Variants in WWOX observed in about 807,000 individuals in gnomAD.
WWOX encodes WW domain-containing oxidoreductase.
In WWOX, 69 loss-of-function variants were observed where a neutral mutation model predicts 46.2. The ratio of observed to expected loss-of-function variants is 1.49; its 90% CI spans 1.23 to 1.82. The LOEUF (loss-of-function observed/expected upper bound fraction) is 1.82. WWOX is among the 40% of genes most tolerant of loss of function. The pLI, the probability that WWOX is intolerant of heterozygous loss-of-function variation, is 0.00. For missense variants in WWOX, 919 were observed against 542.6 expected, an observed-to-expected ratio of 1.69 and a Z score of -6.89; for synonymous variants, 359 against 202.6, an observed-to-expected ratio of 1.77 and a Z score of -6.56.
chr16:78,194,410 G>A (rs112500498), intron 5 of WWOX, among the ~76,000 whole-genome samples: 3,264 of 151,284 alleles, frequency 0.022, 121 homozygotes, highest in African/African-American at 0.076. Flanking sequence ...CAACATGGTG[G>A]AACCATGTTT....
At chr16:78,743,366 C>T (rs1474463440) in intron 8 of WWOX, among the ~76,000 whole-genome samples, 1 of 152,152 alleles carries the variant, frequency 6.6e-6, no homozygotes, top group African/African-American at 2.4e-5. Context: ...GATTCTCAAA[C>T]AGAATCTTCC....
intron 8 of WWOX, among the ~76,000 whole-genome samples, chr16:78,467,216 T>G (rs1040509794): frequency 3.3e-5 from 5 of 152,230 alleles, no homozygotes; most frequent in Non-Finnish European, 7.3e-5. Context: ...TTTAAAAATT[T>G]TCCCCTTTCT....
intron 8 of WWOX, among the ~76,000 whole-genome samples, chr16:78,486,307 C>T (rs1044595616): frequency 6.6e-6 from 1 of 152,166 alleles, no homozygotes; most frequent in African/African-American, 2.4e-5. Flanking sequence ...ACTATGCCGA[C>T]TAATAGACAT....
At chr16:79,171,626 C>T (rs1171041136) in intron 8 of WWOX, among the ~76,000 whole-genome samples, 1 of 152,174 alleles carries the variant, frequency 6.6e-6, no homozygotes, top group Admixed American at 6.5e-5. Context: ...AGTGTTGAGT[C>T]CAGCCACCCA....
chr16:78,683,471 T>C (rs1308522740), intron 8 of WWOX, among the ~76,000 whole-genome samples: 2 of 151,040 alleles, frequency 1.3e-5, no homozygotes, highest in African/African-American at 4.9e-5. Context: ...ACCGGGGAGG[T>C]GGAGGTTGCA....
rs536501839 is a variant in WWOX at position 78,974,583 on chromosome 16, T to C, written c.1057-237025T>C. On this transcript the variant is annotated intron_variant, in intron 8 of 8. Transcript: ENST00000566780. ...ATATTGTGCAATGTGCAGGGAATTA[T>C]TTCAGTTTTGTTTTTTATTTAGCAC... is the stretch of plus-strand genomic sequence containing the variant. Among the ~76,000 whole-genome samples the C allele has an allele frequency of 7.2e-5, 11 of 152,340 alleles. No individual in the cohort carries two copies. In the East Asian group the frequency reaches 2.1e-3, roughly 29 times the overall value.
At chr16:79,127,561 C>T (rs1462038876) in intron 8 of WWOX, among the ~76,000 whole-genome samples, 3 of 152,172 alleles carry the variant, frequency 2.0e-5, no homozygotes, top group Admixed American at 6.5e-5. Flanking sequence ...GCAAATTGTG[C>T]CGCAACGTGT....
Position 78,777,589 on chromosome 16 carries a change from C to T in WWOX, c.1056+344837C>T, listed in dbSNP as rs775416684. On this transcript the variant is annotated intron_variant, in intron 8 of 8. Coordinates refer to ENST00000566780, the MANE Select transcript of WWOX (RefSeq NM_016373.4). The stretch of plus-strand genomic sequence containing the variant: ...CCCAGCGTGGTATAATAAGCATTAA[C>T]ACAGAGACATGTACAGGGTGCTGAG... Among the ~76,000 whole-genome samples, 20 of 152,066 alleles carry T rather than the reference C, an allele frequency of 1.3e-4. 1 individual carries two copies. The highest frequency in any genetic ancestry group is 1.6e-4 in the Non-Finnish European group (11 of 68,026).
intron 8 of WWOX, among the ~76,000 whole-genome samples, chr16:78,943,113 A>ACAG (rs1359385530): frequency 6.6e-6 from 1 of 152,208 alleles, no homozygotes; most frequent in East Asian, 1.9e-4. Context: ...TTTTAGCTAG[A>ACAG]CAGCGAATCA....
chr16:78,296,380 G>T (rs1004344005), intron 5 of WWOX, among the ~76,000 whole-genome samples: 2 of 151,788 alleles, frequency 1.3e-5, no homozygotes, highest in African/African-American at 2.4e-5. Context: ...TGGATCATTT[G>T]TTTGTGAACT....
chr16:78,887,079 T>G (rs12934768), intron 8 of WWOX, among the ~76,000 whole-genome samples: 574 of 7,012 alleles, frequency 0.082, 36 homozygotes, highest in Middle Eastern at 0.36. Flanking sequence ...GTGTGTGTGG[T>G]GTGTGTGTGT....
intron 8 of WWOX, among the ~76,000 whole-genome samples, chr16:78,943,895 C>A (rs2045899872): frequency 6.6e-6 from 1 of 152,196 alleles, no homozygotes; most frequent in Non-Finnish European, 1.5e-5. Flanking sequence ...GATGAAGCAG[C>A]AGCCACAGGA....
Position 78,992,208 on chromosome 16 carries a change from T to C in WWOX, c.1057-219400T>C, listed in dbSNP as rs115459251. On this transcript the variant is annotated intron_variant, in intron 8 of 8. Transcript: ENST00000566780. ...GCCGTGAGCTCCAACGATGTCACTA[T>C]TCTTCTAGGCTTTGTGGACCTTTGG... Among the ~76,000 whole-genome samples, 519 of 152,328 alleles carry C rather than the reference T, an allele frequency of 3.4e-3. 1 individual carries two copies. The highest frequency in any genetic ancestry group is 0.011 in the African/African-American group (473 of 41,572).
At chr16:78,664,400 G>GAA (rs1173352966) in intron 8 of WWOX, among the ~76,000 whole-genome samples, 1 of 152,154 alleles carries the variant, frequency 6.6e-6, no homozygotes, top group East Asian at 1.9e-4. Flanking sequence ...GCAGGTTGGA[G>GAA]AAAAAGCAGT....
At chr16:78,816,062 C>G (rs1438500438) in intron 8 of WWOX, among the ~76,000 whole-genome samples, 1 of 152,160 alleles carries the variant, frequency 6.6e-6, no homozygotes, top group African/African-American at 2.4e-5. Context: ...ATTCCTGCTT[C>G]TATTCTGCTT....
intron 1 of WWOX, among the ~76,000 whole-genome samples, chr16:78,106,412 T>G (rs959873771): frequency 1.0e-5 from 1 of 99,500 alleles, no homozygotes; most frequent in East Asian, 2.7e-4. Flanking sequence ...GTCAGAACGG[T>G]TTTTTTTTGT....
chr16:78,194,100 G>A (rs1395223367), intron 5 of WWOX, among the ~76,000 whole-genome samples: 8 of 151,352 alleles, frequency 5.3e-5, no homozygotes, highest in Non-Finnish European at 1.2e-4. Flanking sequence ...GGATGGTCTC[G>A]ATCTCCTGAC....
intron 8 of WWOX, among the ~76,000 whole-genome samples, chr16:79,021,653 C>G (rs1020357849): frequency 7.2e-5 from 11 of 152,196 alleles, no homozygotes; most frequent in African/African-American, 2.7e-4. Flanking sequence ...TTGCGACAAA[C>G]ACACAGATGC....
At chr16:78,406,832 G>A (rs1426802483) in intron 6 of WWOX, among the ~76,000 whole-genome samples, 2 of 151,888 alleles carry the variant, frequency 1.3e-5, no homozygotes, top group Non-Finnish European at 2.9e-5. Context: ...CACTGTGTTG[G>A]CTAAGGTGGT....
Sources: gnomAD v4.1 joint callset for allele counts (sites outside exome capture counted in the v4.1 genomes callset) on GRCh38, gnomAD v4.1.1 for gene constraint, MANE v1.5 for transcripts, NCBI Gene and HGNC (gene_info 2026-07-23, HGNC 2026-07-21) for gene names.